The following SNTB2 variants were observed in gnomAD, a reference collection of about 807,000 sequenced individuals.
SNTB2 encodes beta-2-syntrophin.
A neutral mutation model predicts 46.2 loss-of-function variants in SNTB2; 34 were observed. The ratio of observed to expected loss-of-function variants is 0.74; its 90% CI spans 0.56 to 0.98. The LOEUF (loss-of-function observed/expected upper bound fraction) is 0.98. SNTB2 is among the 50% of genes least tolerant of loss of function. The pLI, the probability that SNTB2 is intolerant of heterozygous loss-of-function variation, is 0.00. For missense variants in SNTB2, 603 were observed against 731.4 expected, an observed-to-expected ratio of 0.82 and a Z score of 2.02; for synonymous variants, 290 against 312.6, an observed-to-expected ratio of 0.93 and a Z score of 0.76.
chr16:69,187,788 C>A, intron 1 of SNTB2, 42 bp downstream of exon 1: 2 of 1,332,352 alleles, frequency 1.5e-6, no homozygotes, highest in Non-Finnish European at 1.9e-6. Flanking sequence ...CCGCGGCGGC[C>A]TGGGCTCGCG....
chr16:69,298,552 G>A (rs1443658002), intron 5 of SNTB2, among the ~76,000 whole-genome samples: 3 of 110,260 alleles, frequency 2.7e-5, no homozygotes, highest in African/African-American at 3.6e-5. Flanking sequence ...ACAGTGTCTC[G>A]CTCTTGTCAC....
At chr16:69,191,802 G>A (rs561366595) in intron 1 of SNTB2, among the ~76,000 whole-genome samples, 1 of 151,752 alleles carries the variant, frequency 6.6e-6, no homozygotes, top group Non-Finnish European at 1.5e-5. Flanking sequence ...CACCATGCCC[G>A]GCCAATTTTT....
chr16:69,232,945 C>G (rs774229462), intron 1 of SNTB2, among the ~76,000 whole-genome samples: 4 of 151,946 alleles, frequency 2.6e-5, no homozygotes, highest in Non-Finnish European at 5.9e-5. Context: ...TTTTTGTTAT[C>G]CCAGTAGTAA....
chr16:69,205,339 T>A (rs1040443658), intron 1 of SNTB2, among the ~76,000 whole-genome samples: 17 of 139,384 alleles, frequency 1.2e-4, no homozygotes, highest in African/African-American at 2.9e-4. Context: ...TTTTTTTTTT[T>A]AATTATACTC....
intron 1 of SNTB2, among the ~76,000 whole-genome samples, chr16:69,214,432 C>T (rs1367683081): frequency 6.6e-6 from 1 of 150,682 alleles, no homozygotes; most frequent in Non-Finnish European, 1.5e-5. Flanking sequence ...ATAGGTGTGA[C>T]CCACTGCACC....
chr16:69,207,457 C>A (rs1964234920), intron 1 of SNTB2, among the ~76,000 whole-genome samples: 1 of 152,180 alleles, frequency 6.6e-6, no homozygotes, highest in East Asian at 1.9e-4. Context: ...CGCGCCTGGT[C>A]AAAGTATAGA....
chr16:69,275,708 G>A (rs1964980507), intron 4 of SNTB2, among the ~76,000 whole-genome samples: 3 of 152,158 alleles, frequency 2.0e-5, no homozygotes, highest in Non-Finnish European at 4.4e-5. Flanking sequence ...AGAAGGGGCT[G>A]AATGTTTAAT....
At chr16:69,227,155 G>C (rs1240592648) in intron 1 of SNTB2, among the ~76,000 whole-genome samples, 1 of 152,172 alleles carries the variant, frequency 6.6e-6, no homozygotes, top group Non-Finnish European at 1.5e-5. Context: ...TGTTACTCAT[G>C]CCAGAAATAT....
rs751142487 is a variant in SNTB2, at chr16:69,284,179, C to G, written c.1280C>G (p.Ser427Cys). Residue 427 changes from serine (S) to cysteine (C), a missense_variant, in exon 5 of 7, where the codon TCC becomes TGC. Ser to Cys is a moderately radical substitution (Grantham distance 112). Coordinates refer to ENST00000336278, the MANE Select transcript of SNTB2 (RefSeq NM_006750.4). ...FRVETHRDLSSWTRILVQGCH... is the reference protein window; with the variant it reads ...FRVETHRDLSCWTRILVQGCH... Reference sequence around the variant, plus strand: ...GTGGAGACACATCGGGATCTGTCATCCTGGACCAGGATACTTGTTCAGGGT... The same window carrying G: ...GTGGAGACACATCGGGATCTGTCATGCTGGACCAGGATACTTGTTCAGGGT... The G allele has an allele frequency of 7.8e-5, 126 of 1,613,888 alleles. 2 individuals are homozygous for G. The highest frequency in any genetic ancestry group is 7.7e-5 in the South Asian group (7 of 91,084).
rs748420902 is a variant in SNTB2 at position 69,299,642 on chromosome 16, G to A, written c.1398G>A (p.Gly466=). 6 of 1,614,094 alleles carry A rather than the reference G, an allele frequency of 3.7e-6. No individual in the cohort carries two copies. The East Asian group carries it at 1.3e-4, about 36-fold the overall frequency. ...EVRLTIHYEN[G]FTISRENGGS... ...GGCTTACTATTCACTATGAAAATGGGTTCACCATCTCAAGGGAAAATGGAG... is the reference window on the plus strand; with the variant it reads ...GGCTTACTATTCACTATGAAAATGGATTCACCATCTCAAGGGAAAATGGAG... The change falls in exon 6 of 7, where the codon GGG becomes GGA. Residue 466 remains glycine, a synonymous_variant. Coordinates refer to ENST00000336278, the MANE Select transcript of SNTB2 (RefSeq NM_006750.4).
rs146644884 is a variant in SNTB2, at chr16:69,287,688, G to A, written c.1345+3444G>A. Among the ~76,000 whole-genome samples, 693 of 151,854 alleles carry A rather than the reference G, an allele frequency of 4.6e-3. 4 individuals are homozygous for A. Among genetic ancestry groups the A allele is most frequent in the African/African-American group, 0.015 (641 of 41,392 alleles). On this transcript the variant is annotated intron_variant, in intron 5 of 6. Coordinates refer to ENST00000336278, the MANE Select transcript of SNTB2 (RefSeq NM_006750.4). ...AGCCTGGCCATCATAGTGAAACCCC[G>A]TCTTTACTAAAAATACAAAAATTAG...
intron 2 of SNTB2, among the ~76,000 whole-genome samples, chr16:69,255,630 C>T (rs1368083903): frequency 6.6e-6 from 1 of 151,630 alleles, no homozygotes; most frequent in Non-Finnish European, 1.5e-5. Flanking sequence ...CCTATAATCC[C>T]AATACTTTGG....
rs60011703 is a variant in SNTB2 at position 69,199,595 on chromosome 16, CAAAAA to C, written c.580+11861_580+11865del. 6.5e-5 allele frequency among the ~76,000 whole-genome samples: 5 copies of C among 76,866 alleles called. 1 individual carries two copies. Among genetic ancestry groups the C allele is most frequent in the African/African-American group, 2.1e-4 (4 of 18,880 alleles). 50.4% of individuals were successfully genotyped at this position (76,866 alleles called of 152,430 possible). On this transcript the variant is annotated intron_variant, in intron 1 of 6. Coordinates refer to ENST00000336278, the MANE Select transcript of SNTB2 (RefSeq NM_006750.4). The stretch of plus-strand genomic sequence containing the variant: ...TGGACAACAGAGTGAAACACTGCCT[CAAAAA>C]AAAAAAAAAAAGGCGATCTTTTTCT...
In SNTB2 at chr16:69,187,721, C is replaced by T. The variant is rs911953890; in HGVS notation, c.555C>T (p.Arg185=). The change falls in exon 1 of 7, where the codon CGC becomes CGT. Residue 185 remains arginine, a synonymous_variant. Transcript: ENST00000336278. ...ACCAGGCCGTGCAGGCGCTGAAGCG[C>T]GCGGGCAAGGAGGTGCTGCTGGAGG... The part of the protein sequence containing the change: ...THDQAVQALK[R]AGKEVLLEVK... The T allele has an allele frequency of 3.1e-6, 4 of 1,277,688 alleles. No homozygotes were observed. The highest frequency in any genetic ancestry group is 3.0e-6 in the Non-Finnish European group (3 of 991,716). The allele number at this position is 1,277,688 out of a possible 1,614,324, so 79.1% of individuals were successfully genotyped here.
intron 5 of SNTB2, among the ~76,000 whole-genome samples, chr16:69,288,292 G>C (rs941300406): frequency 6.6e-6 from 1 of 152,276 alleles, no homozygotes; most frequent in Non-Finnish European, 1.5e-5. Flanking sequence ...TCATTTTTCA[G>C]GTTAAAGCTT....
chr16:69,259,281 C>G lies in SNTB2; in HGVS notation c.795-769C>G, dbSNP rs1236524112. Among the ~76,000 whole-genome samples the G allele has an allele frequency of 3.6e-5, 4 of 112,464 alleles. No homozygotes were observed. In the Admixed American group the frequency reaches 5.1e-4, roughly 14 times the overall value. The allele number at this position is 112,464 out of a possible 152,430, so 73.8% of individuals were successfully genotyped here. A position where few individuals can be genotyped will look rare whatever the true frequency, so the allele number is the denominator to read the frequency against. On this transcript the variant is annotated intron_variant, in intron 2 of 6. Transcript: ENST00000336278. ...TTTTTTTTTGAGACAGAGTTTCGCT[C>G]TGTCACCTAGGCTGGATCTCGGCTC...
In SNTB2 at chr16:69,264,739, A is replaced by G. The variant is rs537356650; in HGVS notation, c.1005+4479A>G. On this transcript the variant is annotated intron_variant, in intron 3 of 6. Coordinates refer to ENST00000336278, the MANE Select transcript of SNTB2 (RefSeq NM_006750.4). ...GTTCCTGAACCAGTAGAAGAAACTG[A>G]AGAAGTAGAAGACAGAGAAGATTAA... is the stretch of plus-strand genomic sequence containing the variant. 1.1e-3 allele frequency among the ~76,000 whole-genome samples: 166 copies of G among 152,348 alleles called. 1 individual carries two copies. Among genetic ancestry groups the G allele is most frequent in the Non-Finnish European group, 1.7e-3 (115 of 68,032 alleles).
chr16:69,292,953 TAGTC>T (rs1050798562), intron 5 of SNTB2, among the ~76,000 whole-genome samples: 2 of 151,950 alleles, frequency 1.3e-5, no homozygotes, highest in African/African-American at 2.4e-5. Context: ...TGAGAAGTAG[TAGTC>T]AGAGCAGTAG....
At chr16:69,235,609 G>A in intron 1 of SNTB2, 1 of 1,119,702 alleles carries the variant, frequency 8.9e-7, no homozygotes, top group Non-Finnish European at 1.1e-6. Context: ...AAAAGGAAGG[G>A]AAAGGAAGAA....
Sources: gnomAD v4.1 joint callset for allele counts (sites outside exome capture counted in the v4.1 genomes callset) on GRCh38, gnomAD v4.1.1 for gene constraint, MANE v1.5 for transcripts, NCBI Gene and HGNC (gene_info 2026-07-23, HGNC 2026-07-21) for gene names.